Variants in C4orf51 observed in about 807,000 individuals in gnomAD.
C4orf51 encodes the protein uncharacterized protein C4orf51.
In C4orf51, 25 loss-of-function variants were observed where a neutral mutation model predicts 25.2. The ratio of observed to expected loss-of-function variants is 0.99; its 90% CI spans 0.72 to 1.39. C4orf51 has a LOEUF of 1.39. Among genes scored for constraint, C4orf51 ranks in the 40% most tolerant of loss-of-function variants. The pLI, the probability that C4orf51 is intolerant of heterozygous loss-of-function variation, is 0.00. For synonymous variants in C4orf51, 100 were observed against 84.5 expected, an observed-to-expected ratio of 1.18 and a Z score of -1.01; for missense variants, 252 against 239.6, an observed-to-expected ratio of 1.05 and a Z score of -0.34.
At chr4:145,700,734 C>A (rs1169811980) in intron 2 of C4orf51, among the ~76,000 whole-genome samples, 1 of 152,096 alleles carries the variant, frequency 6.6e-6, no homozygotes, top group Non-Finnish European at 1.5e-5. Flanking sequence ...CAACCCCAAG[C>A]GTCGCTGAGT....
At chr4:145,771,454 A>G (rs1166299035), downstream of C4orf51, among the ~76,000 whole-genome samples, 3 of 152,184 alleles carry the variant, frequency 2.0e-5, no homozygotes. Flanking sequence ...TGATAGTTGT[A>G]TTTTCCAAAT....
intron 1 of C4orf51, 100 bp downstream of exon 1, chr4:145,680,536 A>G (rs1728770605): frequency 2.5e-6 from 2 of 806,428 alleles, no homozygotes; most frequent in Non-Finnish European, 3.9e-6. Flanking sequence ...GACTTCATAG[A>G]CTTTAACCCT....
rs9998668 is a variant in C4orf51, at chr4:145,691,873, A to C, written c.234-4686A>C. 2.2e-3 allele frequency among the ~76,000 whole-genome samples: 334 copies of C among 152,242 alleles called. 2 individuals are homozygous for C. The highest frequency in any genetic ancestry group is 7.6e-3 in the African/African-American group (317 of 41,474). On this transcript the variant is annotated intron_variant, in intron 1 of 5. Coordinates refer to ENST00000438731, the MANE Select transcript of C4orf51 (RefSeq NM_001080531.3). Reference sequence around the variant, plus strand: ...ATAAGCCTAAACTTCGGCATCACACAATATATTCATGTAACATACCTGCAC... The same window carrying C: ...ATAAGCCTAAACTTCGGCATCACACCATATATTCATGTAACATACCTGCAC...
the C4orf51 span, among the ~76,000 whole-genome samples, chr4:145,781,644 TA>T: frequency 1.3e-5 from 2 of 150,432 alleles, no homozygotes; most frequent in Non-Finnish European, 1.5e-5. Context: ...TGAAGAGAAG[TA>T]AAAAAAAAGG....
intron 1 of C4orf51, among the ~76,000 whole-genome samples, chr4:145,692,346 A>G (rs949605837): frequency 6.6e-6 from 1 of 152,180 alleles, no homozygotes; most frequent in Non-Finnish European, 1.5e-5. Context: ...TATAAAATTC[A>G]AAAAAACCAG....
intron 1 of C4orf51, among the ~76,000 whole-genome samples, chr4:145,681,956 T>C (rs1246045676): frequency 6.6e-6 from 1 of 152,186 alleles, no homozygotes; most frequent in Non-Finnish European, 1.5e-5. Context: ...TAAGCACTGC[T>C]GAGGTCCTGT....
At chr4:145,752,703 A>G (rs1248093251) in intron 1 of C4orf51, among the ~76,000 whole-genome samples, 1 of 152,192 alleles carries the variant, frequency 6.6e-6, no homozygotes, top group African/African-American at 2.4e-5. Flanking sequence ...TTTCAAGTCC[A>G]GCACAGCACT....
At chr4:145,733,175 C>T (rs1029676498), downstream of C4orf51, among the ~76,000 whole-genome samples, 25 of 152,258 alleles carry the variant, frequency 1.6e-4, no homozygotes, top group Admixed American at 8.5e-4. Context: ...TGCCCCTCCC[C>T]TCCCCGGTCC....
At position 145,750,362 on chromosome 4, in the gene C4orf51, C is replaced by T. The variant is rs151163102; in HGVS notation, n.168-3845C>T. Among the ~76,000 whole-genome samples, 59 of 150,198 alleles carry T rather than the reference C, an allele frequency of 3.9e-4. 1 individual carries two copies. The Middle Eastern group carries it at 0.011, about 27-fold the overall frequency. ...TTTTCTGGGAAAAATCTTTATTTCT[C>T]CTTCATGTTTGAAGGATATTTTCAC... On this transcript the variant is annotated intron_variant and non_coding_transcript_variant, in intron 1 of 1. Transcript: ENST00000508981.
chr4:145,779,573 C>A, the C4orf51 span: 2 of 1,576,464 alleles, frequency 1.3e-6, no homozygotes, highest in South Asian at 2.4e-5. Context: ...TTCTGTTAGT[C>A]AACATTCAGG....
intron 1 of C4orf51, among the ~76,000 whole-genome samples, chr4:145,689,397 A>C (rs1578921461): frequency 1.3e-5 from 2 of 152,192 alleles, no homozygotes; most frequent in African/African-American, 2.4e-5. Context: ...TGCATCTATG[A>C]GACATATATG....
intron 1 of C4orf51, among the ~76,000 whole-genome samples, chr4:145,770,298 TAAAATAAATAAA>T (rs1463615634): frequency 8.1e-5 from 11 of 135,076 alleles, no homozygotes; most frequent in African/African-American, 2.9e-4. Context: ...GACCCTGTCT[TAAAATAAATAAA>T]TAAATAAATA....
intron 1 of C4orf51, among the ~76,000 whole-genome samples, chr4:145,741,963 A>G (rs1733126442): frequency 6.6e-6 from 1 of 152,116 alleles, no homozygotes. Context: ...GGCCTCCCAA[A>G]GTGCTGAGAT....
At position 145,765,413 on chromosome 4, in the gene C4orf51, T is replaced by G; in HGVS notation, n.167-5575T>G. 1 of 1,144,080 alleles carries G rather than the reference T, an allele frequency of 8.7e-7. No individual in the cohort carries two copies. Among genetic ancestry groups the G allele is most frequent in the Non-Finnish European group, 1.2e-6 (1 of 823,168 alleles). The allele number at this position is 1,144,080 out of a possible 1,614,324, so 70.9% of individuals were successfully genotyped here. A position where few individuals can be genotyped will look rare whatever the true frequency, so the allele number is the denominator to read the frequency against. On this transcript the variant is annotated intron_variant and non_coding_transcript_variant, in intron 1 of 1. Transcript: ENST00000510096. The surrounding 1 kb of genome is among the most constrained non-coding windows in gnomAD (Gnocchi z 4.7). Reference sequence around the variant, plus strand: ...ATTAAGCCAAAAGAAATACAACCTTTAGGTGAGGCCCAGCATACTGCATCC... The same window carrying G: ...ATTAAGCCAAAAGAAATACAACCTTGAGGTGAGGCCCAGCATACTGCATCC...
At chr4:145,770,290 C>A (rs1019970096) in intron 1 of C4orf51, among the ~76,000 whole-genome samples, 6 of 149,308 alleles carry the variant, frequency 4.0e-5, no homozygotes, top group Admixed American at 1.3e-4. Flanking sequence ...CAGAGTGAGA[C>A]CCTGTCTTAA....
chr4:145,712,173 A>G (rs940225039), intron 2 of C4orf51, among the ~76,000 whole-genome samples: 2 of 152,198 alleles, frequency 1.3e-5, no homozygotes, highest in African/African-American at 4.8e-5. Context: ...AGACACAACA[A>G]TATTGAAATT....
At chr4:145,702,915 A>G (rs1730549279) in intron 2 of C4orf51, among the ~76,000 whole-genome samples, 1 of 151,438 alleles carries the variant, frequency 6.6e-6, no homozygotes, top group African/African-American at 2.4e-5. Context: ...CTAGGTTCCC[A>G]CGCCGCCCCT....
Position 145,740,139 on chromosome 4 carries a change from C to CT in C4orf51, n.167+7521dup, listed in dbSNP as rs1733014633. ...AGTTGCCATCAGCATTTCTTCTTTT[C>CT]TGGAATGTAAAGTTTCCTTCACTTT... On this transcript the variant is annotated intron_variant and non_coding_transcript_variant, in intron 1 of 1. Transcript: ENST00000508981. Among the ~76,000 whole-genome samples the CT allele has an allele frequency of 2.0e-5, 3 of 147,046 alleles. No individual in the cohort carries two copies. In the Admixed American group the frequency reaches 2.1e-4, roughly 10 times the overall value.
chr4:145,753,880 C>T (rs1232716232), intron 1 of C4orf51, among the ~76,000 whole-genome samples: 2 of 152,230 alleles, frequency 1.3e-5, no homozygotes, highest in Non-Finnish European at 2.9e-5. Context: ...AGAGAAATAA[C>T]ACACCCCCAA....
Sources: gnomAD v4.1 joint callset for allele counts (sites outside exome capture counted in the v4.1 genomes callset) on GRCh38, gnomAD v4.1.1 for gene constraint, Gnocchi (gnomAD v3.1) non-coding constraint, MANE v1.5 for transcripts, NCBI Gene and HGNC (gene_info 2026-07-23, HGNC 2026-07-21) for gene names.